RORA: variants seen among roughly 807,000 people sequenced by gnomAD.
RORA encodes RAR related orphan receptor A.
A neutral mutation model predicts 69.5 loss-of-function variants in RORA; 7 were observed. The observed-to-expected ratio is 0.10, with a 90% CI of 0.06 to 0.19. The LOEUF (loss-of-function observed/expected upper bound fraction) is 0.19, where lower values mean the gene tolerates loss of function less well. Ranked by LOEUF, RORA falls within the 10% of genes least tolerant of loss-of-function variation. The probability of loss-of-function intolerance (pLI) is 1.00; values close to 1 mark genes in which losing one functional copy is unlikely to be tolerated. For missense variants in RORA, 457 were observed against 663.0 expected (o/e 0.69, Z 3.41); for synonymous variants, 261 against 240.8 (o/e 1.08, Z -0.78).
intron 1 of RORA, among the ~76,000 whole-genome samples, chr15:61,062,021 C>T (rs2078194028): frequency 6.6e-6 from 1 of 152,092 alleles, no homozygotes; most frequent in Admixed American, 6.6e-5. Flanking sequence ...TGGGATTGTG[C>T]CACTGCACTC....
chr15:61,127,590 A>G (rs955707724), intron 1 of RORA, among the ~76,000 whole-genome samples: 1 of 152,236 alleles, frequency 6.6e-6, no homozygotes, highest in Non-Finnish European at 1.5e-5. Context: ...ATGAATGGCA[A>G]TCAACACCAA....
intron 2 of RORA, among the ~76,000 whole-genome samples, chr15:60,533,697 C>T (rs1207489884): frequency 6.6e-6 from 1 of 152,186 alleles, no homozygotes; most frequent in East Asian, 1.9e-4. Flanking sequence ...CTTTTCCCTA[C>T]ATGAATTGAG....
chr15:60,804,361 T>C (rs2072630019), intron 1 of RORA, among the ~76,000 whole-genome samples: 1 of 151,852 alleles, frequency 6.6e-6, no homozygotes, highest in Non-Finnish European at 1.5e-5. Flanking sequence ...ATGTCATAGT[T>C]CTTTAATAAA....
At chr15:60,500,068 C>A in intron 9 of RORA, 64 bp from the exon 10 acceptor site, 1 of 1,016,118 alleles carries the variant, frequency 9.8e-7, no homozygotes, top group Non-Finnish European at 1.5e-6. Context: ...CCTTCTTCTC[C>A]GGATTCTTTT....
intron 1 of RORA, among the ~76,000 whole-genome samples, chr15:60,987,773 C>T (rs963343762): frequency 2.0e-5 from 3 of 152,138 alleles, no homozygotes; most frequent in African/African-American, 7.2e-5. Context: ...TTTAACTCTC[C>T]AAAGAGTCCT....
chr15:60,648,610 T>C (rs1054410468), intron 2 of RORA, among the ~76,000 whole-genome samples: 1 of 152,226 alleles, frequency 6.6e-6, no homozygotes. Context: ...AGTACAAATA[T>C]GTTGAAACAT....
chr15:60,575,526 A>G (rs2067999983), intron 2 of RORA, among the ~76,000 whole-genome samples: 1 of 152,176 alleles, frequency 6.6e-6, no homozygotes, highest in East Asian at 1.9e-4. Flanking sequence ...CAGTACTGAG[A>G]GTATATGATT....
intron 1 of RORA, among the ~76,000 whole-genome samples, chr15:61,007,114 C>T (rs1352377976): frequency 6.6e-6 from 1 of 152,052 alleles, no homozygotes; most frequent in Non-Finnish European, 1.5e-5. Flanking sequence ...TTATAACTGC[C>T]TGTCCAGGGC....
intron 2 of RORA, among the ~76,000 whole-genome samples, chr15:60,555,619 C>T (rs987160432): frequency 2.0e-5 from 3 of 151,844 alleles, no homozygotes; most frequent in African/African-American, 7.3e-5. Flanking sequence ...AGTGATTGCA[C>T]GATGCTGGGA....
chr15:60,966,560 T>C (rs992228933), intron 1 of RORA, among the ~76,000 whole-genome samples: 1 of 152,212 alleles, frequency 6.6e-6, no homozygotes, highest in Non-Finnish European at 1.5e-5. Context: ...TGGCACATGG[T>C]AGGAATGTAT....
intron 1 of RORA, among the ~76,000 whole-genome samples, chr15:60,808,886 T>C (rs1478143131): frequency 1.3e-5 from 2 of 152,028 alleles, no homozygotes; most frequent in African/African-American, 4.8e-5. Context: ...CTGGAAGGAA[T>C]TGGAGATTAT....
At chr15:61,200,029 A>G (rs1182355662) in intron 1 of RORA, among the ~76,000 whole-genome samples, 1 of 152,182 alleles carries the variant, frequency 6.6e-6, no homozygotes, top group Non-Finnish European at 1.5e-5. Context: ...CACTCTTCAG[A>G]AACATCTTAA....
intron 1 of RORA, among the ~76,000 whole-genome samples, chr15:61,212,194 T>C (rs1000438941): frequency 2.0e-5 from 3 of 152,060 alleles, no homozygotes; most frequent in Non-Finnish European, 2.9e-5. Flanking sequence ...GTGGGGCAGA[T>C]TGCCTTTAGA....
intron 1 of RORA, among the ~76,000 whole-genome samples, chr15:60,858,540 A>G (rs974106274): frequency 1.7e-4 from 25 of 149,362 alleles, no homozygotes; most frequent in African/African-American, 5.6e-4. Flanking sequence ...AGTGTATTCA[A>G]TGCCAAAGGG....
intron 1 of RORA, among the ~76,000 whole-genome samples, chr15:60,800,509 G>T (rs919809804): frequency 1.3e-5 from 2 of 152,182 alleles, no homozygotes; most frequent in Non-Finnish European, 2.9e-5. Context: ...ATTTCACATC[G>T]TTTCTTCCTT....
intron 1 of RORA, among the ~76,000 whole-genome samples, chr15:61,169,225 C>T (rs1286794692): frequency 6.6e-6 from 1 of 152,092 alleles, no homozygotes; most frequent in African/African-American, 2.4e-5. Context: ...TCGCCTTAAC[C>T]CTTGCCATTC....
At chr15:60,515,163 A>G (rs2065822774) in intron 3 of RORA, among the ~76,000 whole-genome samples, 1 of 152,208 alleles carries the variant, frequency 6.6e-6, no homozygotes, top group East Asian at 1.9e-4. Flanking sequence ...TATCCAAGTT[A>G]AGGAAAATGC....
At chr15:61,201,064 C>T (rs2079891618) in intron 1 of RORA, among the ~76,000 whole-genome samples, 2 of 152,210 alleles carry the variant, frequency 1.3e-5, no homozygotes, top group African/African-American at 4.8e-5. Context: ...CAATTATTAT[C>T]TTTCATGCCA....
At chr15:61,001,300 TAACTC>T (rs1203610291) in intron 1 of RORA, among the ~76,000 whole-genome samples, 1 of 152,238 alleles carries the variant, frequency 6.6e-6, no homozygotes, top group Non-Finnish European at 1.5e-5. Context: ...AGGTCATTAA[TAACTC>T]AACTTAGGGC....
Sources: gnomAD v4.1 joint callset for allele counts (sites outside exome capture counted in the v4.1 genomes callset) on GRCh38, gnomAD v4.1.1 for gene constraint, MANE v1.5 for transcripts, NCBI Gene and HGNC (gene_info 2026-07-23, HGNC 2026-07-21) for gene names.